The following NUP205 variants were observed in gnomAD, a reference collection of about 807,000 sequenced individuals.
NUP205 encodes the protein nuclear pore complex protein Nup205.
A neutral mutation model predicts 253.8 loss-of-function variants in NUP205; 76 were observed. The ratio of observed to expected loss-of-function variants is 0.30; its 90% CI spans 0.25 to 0.36. NUP205 has a LOEUF of 0.36. NUP205 is among the 10% of genes least tolerant of loss of function. NUP205 has a pLI of 1.00. For missense variants in NUP205, 2,162 were observed against 2,425.5 expected (o/e 0.89, Z 2.28); for synonymous variants, 832 against 850.1 (o/e 0.98, Z 0.37).
intron 35 of NUP205, among the ~76,000 whole-genome samples, chr7:135,631,812 C>T (rs1396701632): frequency 1.1e-4 from 16 of 150,088 alleles, no homozygotes; most frequent in Admixed American, 4.7e-4. Flanking sequence ...TGCAGTGGCG[C>T]GATCTCGGCT....
At chr7:135,610,578 CA>C (rs879313369) in intron 22 of NUP205, among the ~76,000 whole-genome samples, 5,988 of 152,254 alleles carry the variant, frequency 0.039, 232 homozygotes, top group African/African-American at 0.099. Context: ...GTATCATCAG[CA>C]TTATCTCCTA....
intron 16 of NUP205, 61 bp downstream of exon 16, chr7:135,601,030 C>T: frequency 1.2e-6 from 1 of 812,822 alleles, no homozygotes; most frequent in South Asian, 1.7e-5. Flanking sequence ...TAAATTATGG[C>T]TATGTTATAT....
At chr7:135,603,776 CT>C (rs1794020566) in intron 18 of NUP205, among the ~76,000 whole-genome samples, 1 of 152,180 alleles carries the variant, frequency 6.6e-6, no homozygotes, top group African/African-American at 2.4e-5. Flanking sequence ...TCCCAAAGTG[CT>C]GGGATTACAG....
chr7:135,594,754 A>G (rs1290224895), intron 13 of NUP205, 25 bp downstream of exon 13: 2 of 1,560,370 alleles, frequency 1.3e-6, no homozygotes, highest in Non-Finnish European at 8.7e-7. Context: ...TCCCTTATTT[A>G]TATTATCCCA....
chr7:135,639,118 A>G (rs999418144), intron 38 of NUP205, among the ~76,000 whole-genome samples: 21 of 152,216 alleles, frequency 1.4e-4, no homozygotes, highest in African/African-American at 5.1e-4. Context: ...AACTTACCCT[A>G]TAATTCTTTA....
At chr7:135,638,536 G>A in intron 37 of NUP205, 21 bp from the exon 38 acceptor site, 1 of 1,607,456 alleles carries the variant, frequency 6.2e-7, no homozygotes, top group Non-Finnish European at 8.5e-7. Context: ...TAACATTTTT[G>A]TTACTGTTTT....
Position 135,576,988 on chromosome 7 carries a change from A to G in NUP205, c.508A>G (p.Thr170Ala). ...TTACAGTCCAGAGCTGGCTTCCATG[A>G]CAACACGCTTTACAGATGAGCTGAT... is the stretch of plus-strand genomic sequence containing the variant. ...LELSPELASMTTRFTDELMEQ... is the reference protein window; with the variant it reads ...LELSPELASMATRFTDELMEQ... Residue 170 changes from threonine to alanine, a missense_variant, in exon 5 of 43, where the codon ACA (threonine) becomes GCA (alanine). By Grantham distance (58) the Thr-to-Ala change is moderately conservative (BLOSUM62 0). Coordinates refer to ENST00000285968, the MANE Select transcript of NUP205 (RefSeq NM_015135.3). 1.2e-6 allele frequency: 2 copies of G among 1,613,452 alleles called. No individual in the cohort carries two copies. The highest frequency in any genetic ancestry group is 8.5e-7 in the Non-Finnish European group (1 of 1,179,878).
At chr7:135,566,150 C>G (rs1293025013) in intron 1 of NUP205, among the ~76,000 whole-genome samples, 1 of 152,002 alleles carries the variant, frequency 6.6e-6, no homozygotes, top group Non-Finnish European at 1.5e-5. Flanking sequence ...GCTGTGTTGC[C>G]CAGGCTGGAT....
rs1794096285 is a variant in NUP205, at chr7:135,606,834, T to C, written c.2989T>C (p.Cys997Arg). The change falls in exon 21 of 43, where the codon TGC becomes CGC. Residue 997 changes from cysteine (C) to arginine (R), a missense_variant. Coordinates refer to ENST00000285968, the MANE Select transcript of NUP205 (RefSeq NM_015135.3). ...GAATCTTCTCATTACCTCTCTGGAA[T>C]GCAATCCACCCAATCTTGCTCTCTA... ...ILNLLITSLE[C>R]NPPNLALYLL... The C allele has an allele frequency of 1.2e-6, 2 of 1,613,814 alleles. No homozygotes were observed. The highest frequency in any genetic ancestry group is 1.3e-5 in the African/African-American group (1 of 74,948).
Position 135,622,844 on chromosome 7 carries a change from CAT to C in NUP205, c.4400_4401del (p.Ile1467SerfsTer4). ...TATTTAGCAAATTACAGCGAGAAAA[CAT>C]AGCCATTATTGAAAGTTATGGCGCC... ...DVFSKLQREN[I>X]AIIESYGAAL... On this transcript the variant is annotated frameshift_variant, in exon 31 of 43. Transcript: ENST00000285968. LOFTEE classifies it high-confidence loss of function. The C allele has an allele frequency of 6.2e-7, 1 of 1,614,024 alleles. No individual in the cohort carries two copies. The highest frequency in any genetic ancestry group is 8.5e-7 in the Non-Finnish European group (1 of 1,179,964).
In NUP205 at chr7:135,606,233, C is replaced by G. The variant is rs772489060; in HGVS notation, c.2905+7C>G. ...TTTGTACGTCTGGAAGAGGGTATGC[C>G]TTAGATTAATGTGCATACACGCATT... On this transcript the variant is annotated splice_region_variant and intron_variant, in intron 20 of 42. Transcript: ENST00000285968. The G allele has an allele frequency of 2.6e-6, 4 of 1,567,082 alleles. No individual in the cohort carries two copies. The East Asian group carries it at 9.0e-5, about 35-fold the overall frequency.
intron 36 of NUP205, 122 bp downstream of exon 36, chr7:135,635,779 C>G: frequency 1.8e-6 from 1 of 558,626 alleles, no homozygotes. Context: ...TTTAGTTTTT[C>G]TAAATAATAT....
chr7:135,583,522 G>A (rs960995728), intron 7 of NUP205, among the ~76,000 whole-genome samples: 4 of 152,178 alleles, frequency 2.6e-5, no homozygotes, highest in Non-Finnish European at 4.4e-5. Context: ...CACTTTGGGA[G>A]GCCGAGATGG....
At position 135,617,239 on chromosome 7, in the gene NUP205, A is replaced by G. The variant is rs1340070849; in HGVS notation, c.3682A>G (p.Asn1228Asp). The change falls in exon 26 of 43, where the codon AAT (asparagine) becomes GAT (aspartate). Residue 1228 changes from asparagine to aspartate, a missense_variant. This residue lies in a region of NUP205 where 1,144 missense variants were observed against 1,280.9 expected (regional missense o/e 0.89). Transcript: ENST00000285968. ...HKNLRGQTVCNVKLLHRVLVA... is the reference protein window; with the variant it reads ...HKNLRGQTVCDVKLLHRVLVA... Reference sequence around the variant, plus strand: ...GAATTTACGGGGACAGACAGTCTGCAATGTCAAGGTGAGGATTGCTTTAAA... The same window carrying G: ...GAATTTACGGGGACAGACAGTCTGCGATGTCAAGGTGAGGATTGCTTTAAA... 6.2e-7 allele frequency: 1 copy of G among 1,613,542 alleles called. No homozygotes were observed. The highest frequency in any genetic ancestry group is 8.5e-7 in the Non-Finnish European group (1 of 1,179,698).
At chr7:135,627,279 G>A (rs969373453) in intron 33 of NUP205, among the ~76,000 whole-genome samples, 3 of 152,090 alleles carry the variant, frequency 2.0e-5, no homozygotes, top group African/African-American at 7.2e-5. Flanking sequence ...ACTCTGAAAG[G>A]TTAAGTGATT....
intron 7 of NUP205, among the ~76,000 whole-genome samples, chr7:135,583,928 G>A (rs1452580885): frequency 2.0e-5 from 3 of 148,116 alleles, no homozygotes; most frequent in Middle Eastern, 3.5e-3. Flanking sequence ...CGCAACCTCC[G>A]CCTTCTGGGT....
intron 14 of NUP205, 57 bp from the exon 15 acceptor site, chr7:135,597,941 C>T (rs2129490441): frequency 3.1e-6 from 4 of 1,309,050 alleles, no homozygotes; most frequent in Middle Eastern, 2.2e-4. Flanking sequence ...GCATAATACT[C>T]TTCACTTCAT....
At chr7:135,570,160 A>C (rs1805915380) in intron 1 of NUP205, among the ~76,000 whole-genome samples, 1 of 151,420 alleles carries the variant, frequency 6.6e-6, no homozygotes, top group African/African-American at 2.4e-5. Flanking sequence ...TGGTAAAACT[A>C]GGTTCAGCTG....
At chr7:135,567,259 G>A (rs558601719) in intron 1 of NUP205, among the ~76,000 whole-genome samples, 15 of 141,620 alleles carry the variant, frequency 1.1e-4, no homozygotes, top group South Asian at 6.7e-4. Context: ...GGTTTAGTCC[G>A]TCCTCTCCCT....
Sources: gnomAD v4.1 joint callset for allele counts (sites outside exome capture counted in the v4.1 genomes callset) on GRCh38, gnomAD v4.1.1 for gene constraint, gnomAD v4.1.1 regional missense constraint, MANE v1.5 for transcripts, NCBI Gene and HGNC (gene_info 2026-07-23, HGNC 2026-07-21) for gene names.